The following ARHGAP17 variants were observed in gnomAD, a reference collection of about 807,000 sequenced individuals.
ARHGAP17 encodes the protein rho GTPase-activating protein 17.
Under a neutral mutation model 99.5 loss-of-function variants are expected in ARHGAP17, and 57 were observed. The ratio of observed to expected loss-of-function variants is 0.57; its 90% CI spans 0.46 to 0.71. The LOEUF is 0.71. Among genes scored for constraint, ARHGAP17 ranks in the 30% least tolerant of loss-of-function variants. The pLI is 0.00. For missense variants in ARHGAP17, 1,000 were observed against 1,122.4 expected (o/e 0.89, Z 1.56); for synonymous variants, 417 against 429.6 (o/e 0.97, Z 0.36).
rs149340407 is a variant in ARHGAP17 at position 24,943,789 on chromosome 16, C to T, written c.1315G>A (p.Asp439Asn). 10 of 1,614,004 alleles carry T rather than the reference C, an allele frequency of 6.2e-6. No homozygotes were observed. Among genetic ancestry groups the T allele is most frequent in the East Asian group, 2.2e-5 (1 of 44,898 alleles). Residue 439 changes from aspartate to asparagine, a missense_variant, in exon 15 of 20, where the codon GAC becomes AAC. Transcript: ENST00000289968. ...AVIEPIIQHA[D>N]WFFPEEVEFN... ...GAATTACCTTCAGGGAAGAACCAGT[C>T]GGCATGCTGAATGATGGGTTCAATC...
intron 3 of ARHGAP17, among the ~76,000 whole-genome samples, chr16:24,973,683 C>G (rs1308102579): frequency 6.6e-6 from 1 of 152,214 alleles, no homozygotes; most frequent in African/African-American, 2.4e-5. Flanking sequence ...CTGGGCCCCC[C>G]ATAAAACCCT....
At chr16:24,926,539 G>C (rs761103368) in intron 19 of ARHGAP17, among the ~76,000 whole-genome samples, 2 of 152,244 alleles carry the variant, frequency 1.3e-5, no homozygotes, top group Non-Finnish European at 2.9e-5. Flanking sequence ...TGGGATTACA[G>C]GCGTGAGCCA....
intron 17 of ARHGAP17, 46 bp from the exon 18 acceptor site, chr16:24,935,685 GA>G: frequency 6.3e-7 from 1 of 1,585,664 alleles, no homozygotes; most frequent in Non-Finnish European, 8.6e-7. Flanking sequence ...ATCCCAGCTA[GA>G]AAATCTGAAC....
chr16:24,995,299 C>T (rs565529354), intron 1 of ARHGAP17, among the ~76,000 whole-genome samples: 2 of 152,110 alleles, frequency 1.3e-5, no homozygotes, highest in Admixed American at 6.5e-5. Flanking sequence ...TAAATTGTTG[C>T]GGGTTACAGA....
At chr16:24,992,153 G>C (rs1309773723) in intron 1 of ARHGAP17, among the ~76,000 whole-genome samples, 1 of 152,088 alleles carries the variant, frequency 6.6e-6, no homozygotes, top group Non-Finnish European at 1.5e-5. Flanking sequence ...GGGCAACAGG[G>C]AGCCACTGAT....
intron 15 of ARHGAP17, among the ~76,000 whole-genome samples, chr16:24,943,236 G>C (rs550639479): frequency 9.2e-5 from 14 of 152,332 alleles, no homozygotes; most frequent in African/African-American, 3.1e-4. Flanking sequence ...GCCTTCACCA[G>C]CTGGCCCCGA....
intron 14 of ARHGAP17, 25 bp downstream of exon 14, chr16:24,947,457 A>G (rs1370411187): frequency 6.3e-7 from 1 of 1,586,150 alleles, no homozygotes; most frequent in East Asian, 2.2e-5. Context: ...AAGAAATTCA[A>G]ATGATACAGA....
Position 24,952,383 on chromosome 16 carries a change from A to G in ARHGAP17, c.965-13T>C. 6.2e-7 allele frequency: 1 copy of G among 1,605,134 alleles called. No homozygotes were observed. The highest frequency in any genetic ancestry group is 8.5e-7 in the Non-Finnish European group (1 of 1,172,998). On this transcript the variant is annotated splice_polypyrimidine_tract_variant and intron_variant, in intron 11 of 19. Coordinates refer to ENST00000289968, the MANE Select transcript of ARHGAP17 (RefSeq NM_001006634.3). Reference sequence around the variant, plus strand: ...GATTTTAAAGCACCTGAAATCATTAACACTCTCTTTGAGTATGAAAAAGGG... The same window carrying G: ...GATTTTAAAGCACCTGAAATCATTAGCACTCTCTTTGAGTATGAAAAAGGG...
chr16:24,937,124 A>AC (rs202147391), intron 17 of ARHGAP17, among the ~76,000 whole-genome samples: 2,013 of 151,186 alleles, frequency 0.013, 63 homozygotes, highest in African/African-American at 0.047. Flanking sequence ...CTGAAAAAAA[A>AC]AAAACAACAA....
At chr16:25,003,903 T>A (rs984843730) in intron 1 of ARHGAP17, among the ~76,000 whole-genome samples, 1 of 152,028 alleles carries the variant, frequency 6.6e-6, no homozygotes, top group African/African-American at 2.4e-5. Context: ...ATTTAAATAC[T>A]ACAAATACTT....
chr16:24,961,144 GT>G (rs1567232538), intron 7 of ARHGAP17, among the ~76,000 whole-genome samples: 1 of 151,944 alleles, frequency 6.6e-6, no homozygotes, highest in Non-Finnish European at 1.5e-5. Context: ...GATTACAGGC[GT>G]GAGCCACCAC....
At chr16:24,959,158 A>G (rs1319246746) in intron 9 of ARHGAP17, among the ~76,000 whole-genome samples, 1 of 152,234 alleles carries the variant, frequency 6.6e-6, no homozygotes. Context: ...AGCTTAGTAT[A>G]AAGACAAAGG....
At position 24,959,666 on chromosome 16, in the gene ARHGAP17, A is replaced by G. The variant is rs776422406; in HGVS notation, c.724+5T>C. The G allele has an allele frequency of 6.2e-7, 1 of 1,613,620 alleles. No homozygotes were observed. Among genetic ancestry groups the G allele is most frequent in the Non-Finnish European group, 8.5e-7 (1 of 1,179,832 alleles). ...GAAGCATCAGCCGCACGCGGGTTAC[A>G]TTACCTTGATGGGCTCGCATTTCGG... On this transcript the variant is annotated splice_donor_5th_base_variant and intron_variant, in intron 9 of 19. Coordinates refer to ENST00000289968, the MANE Select transcript of ARHGAP17 (RefSeq NM_001006634.3).
intron 6 of ARHGAP17, 64 bp from the exon 7 acceptor site, chr16:24,964,372 G>C: frequency 9.0e-7 from 1 of 1,111,286 alleles, no homozygotes; most frequent in South Asian, 1.4e-5. Flanking sequence ...GCTGGAGGCA[G>C]GACCTGGTGG....
intron 1 of ARHGAP17, among the ~76,000 whole-genome samples, chr16:24,986,504 G>A (rs1223059528): frequency 1.3e-5 from 2 of 152,108 alleles, no homozygotes; most frequent in African/African-American, 2.4e-5. Context: ...AATAATATTT[G>A]GTAACACATG....
chr16:24,937,574 G>A (rs867743408), intron 17 of ARHGAP17, among the ~76,000 whole-genome samples: 11 of 152,152 alleles, frequency 7.2e-5, no homozygotes, highest in Middle Eastern at 3.2e-3. Flanking sequence ...ACAAGCTAAC[G>A]TGCAGCCTAT....
intron 3 of ARHGAP17, among the ~76,000 whole-genome samples, chr16:24,975,479 A>G (rs1444928078): frequency 6.6e-6 from 1 of 152,196 alleles, no homozygotes; most frequent in Non-Finnish European, 1.5e-5. Context: ...TCCAGGAAGC[A>G]GAACCAGTAG....
intron 1 of ARHGAP17, among the ~76,000 whole-genome samples, chr16:25,009,517 CAG>C (rs1251247266): frequency 3.3e-5 from 5 of 152,150 alleles, no homozygotes; most frequent in African/African-American, 9.7e-5. Flanking sequence ...AGGGCTGACT[CAG>C]GGAAGAGAGA....
At position 24,965,847 on chromosome 16, in the gene ARHGAP17, C is replaced by G. The variant is rs143520415; in HGVS notation, c.462-1539G>C. ...GAAAAATATGTGTGCATGTGCACAGCATATGATGTCTGGCATATAATGGAT... is the reference window on the plus strand; with the variant it reads ...GAAAAATATGTGTGCATGTGCACAGGATATGATGTCTGGCATATAATGGAT... On this transcript the variant is annotated intron_variant, in intron 6 of 19. Transcript: ENST00000289968. 5.9e-5 allele frequency among the ~76,000 whole-genome samples: 9 copies of G among 152,322 alleles called. No individual in the cohort carries two copies. In the East Asian group the frequency reaches 1.7e-3, roughly 29 times the overall value.
Sources: gnomAD v4.1 joint callset for allele counts (sites outside exome capture counted in the v4.1 genomes callset) on GRCh38, gnomAD v4.1.1 for gene constraint, MANE v1.5 for transcripts, NCBI Gene and HGNC (gene_info 2026-07-23, HGNC 2026-07-21) for gene names.